Variants in CERS6 observed in about 807,000 individuals in gnomAD.
CERS6 encodes LAG1 homolog, ceramide synthase 6.
CERS6 carries 26 observed loss-of-function variants against 56.8 expected under a neutral mutation model. That is an observed-to-expected ratio of 0.46 (90% CI 0.34 to 0.63). CERS6 has a LOEUF of 0.63. CERS6 is among the 30% of genes least tolerant of loss of function. CERS6 has a pLI of 0.01. For missense variants in CERS6, 415 were observed against 467.5 expected, an observed-to-expected ratio of 0.89 and a Z score of 1.04; for synonymous variants, 164 against 173.3, an observed-to-expected ratio of 0.95 and a Z score of 0.42.
intron 7 of CERS6, among the ~76,000 whole-genome samples, chr2:168,715,428 G>A (rs1687203919): frequency 6.6e-6 from 1 of 152,098 alleles, no homozygotes; most frequent in South Asian, 2.1e-4. Context: ...TTTGTTTTGT[G>A]TGTTGTAACT....
At chr2:168,731,989 C>T (rs3905544) in intron 8 of CERS6, among the ~76,000 whole-genome samples, 10 of 152,114 alleles carry the variant, frequency 6.6e-5, no homozygotes, top group Non-Finnish European at 1.0e-4. Context: ...TACAATATAT[C>T]GGAGAAATAA....
At position 168,456,562 on chromosome 2, in the gene CERS6, C is replaced by G. The variant is rs536654612; in HGVS notation, c.114C>G (p.Leu38=). The change falls in exon 1 of 10, where the codon CTC becomes CTG. Residue 38 remains leucine (L), a synonymous_variant. Transcript: ENST00000305747. The surrounding 1 kb of genome is among the most constrained non-coding windows in gnomAD (Gnocchi z 4.1). ...EEATFPQAED[L]YLAFPLAFCI... is the part of the protein sequence containing the mutation. Reference sequence around the variant, plus strand: ...CCACCTTCCCGCAGGCTGAGGACCTCTATCTCGCTTTTCCCCTGGCCTTCT... The same window carrying G: ...CCACCTTCCCGCAGGCTGAGGACCTGTATCTCGCTTTTCCCCTGGCCTTCT... 23 of 1,614,104 alleles carry G rather than the reference C, an allele frequency of 1.4e-5. No homozygotes were observed. Among genetic ancestry groups the G allele is most frequent in the Non-Finnish European group, 1.8e-5 (21 of 1,179,948 alleles).
At position 168,773,305 on chromosome 2, in the gene CERS6, AT is replaced by A. The variant is rs373214130; in HGVS notation, c.*3644del. The A allele has an allele frequency of 7.0e-4, 106 of 152,332 alleles. No homozygotes were observed. Among genetic ancestry groups the A allele is most frequent in the African/African-American group, 2.5e-3 (104 of 41,574 alleles). 9.4% of individuals were successfully genotyped at this position (152,332 alleles called of 1,614,324 possible). A position where few individuals can be genotyped will look rare whatever the true frequency, so the allele number is the denominator to read the frequency against. ...AGGTATTAAAAGATTGTTTAACAGT[AT>A]GTGTGGTGATGTCATTATCTCCAGA... On this transcript the variant is annotated 3_prime_UTR_variant, in exon 10 of 10. Transcript: ENST00000305747.
At chr2:168,579,567 G>A (rs745753362) in intron 3 of CERS6, among the ~76,000 whole-genome samples, 33 of 151,958 alleles carry the variant, frequency 2.2e-4, no homozygotes, top group Non-Finnish European at 4.0e-4. Context: ...TTTCTTCTAC[G>A]TTTGATTCTT....
intron 8 of CERS6, among the ~76,000 whole-genome samples, chr2:168,751,107 A>G (rs1684255214): frequency 6.6e-6 from 1 of 152,218 alleles, no homozygotes; most frequent in African/African-American, 2.4e-5. Context: ...ATCAAAAGCC[A>G]TGTTACCTCA....
chr2:168,493,769 A>G (rs1694414964), intron 1 of CERS6, among the ~76,000 whole-genome samples: 1 of 152,008 alleles, frequency 6.6e-6, no homozygotes, highest in Non-Finnish European at 1.5e-5. Flanking sequence ...ATTTGGTGAG[A>G]CACCCACATA....
intron 6 of CERS6, among the ~76,000 whole-genome samples, chr2:168,707,501 T>C (rs1205352474): frequency 1.3e-5 from 2 of 152,178 alleles, no homozygotes; most frequent in East Asian, 1.9e-4. Context: ...TTAGGGTGCA[T>C]AGGCTATACA....
chr2:168,549,676 A>AT (rs1440605354), intron 2 of CERS6, among the ~76,000 whole-genome samples: 3 of 152,212 alleles, frequency 2.0e-5, no homozygotes, highest in African/African-American at 7.2e-5. Context: ...CTTCTAGCTA[A>AT]TTTGAATGAT....
At chr2:168,608,056 C>T (rs1456581612) in intron 3 of CERS6, among the ~76,000 whole-genome samples, 1 of 152,192 alleles carries the variant, frequency 6.6e-6, no homozygotes, top group African/African-American at 2.4e-5. Flanking sequence ...CTCCCTTGTA[C>T]TCCCAGTCCC....
chr2:168,462,351 T>C (rs2105317632), intron 1 of CERS6, among the ~76,000 whole-genome samples: 1 of 152,314 alleles, frequency 6.6e-6, no homozygotes, highest in South Asian at 2.1e-4. Flanking sequence ...TTGCCTCGTA[T>C]AGCACAGTGA....
At chr2:168,609,303 A>G (rs1684129095) in intron 3 of CERS6, among the ~76,000 whole-genome samples, 1 of 152,134 alleles carries the variant, frequency 6.6e-6, no homozygotes, top group African/African-American at 2.4e-5. Context: ...CCCTTCTTTT[A>G]TAAGTTTACA....
intron 3 of CERS6, among the ~76,000 whole-genome samples, chr2:168,590,195 G>A (rs1683639695): frequency 6.6e-6 from 1 of 152,116 alleles, no homozygotes; most frequent in South Asian, 2.1e-4. Context: ...CTTTCACCTG[G>A]GCAACTAGGA....
intron 6 of CERS6, among the ~76,000 whole-genome samples, chr2:168,705,809 G>A (rs900517203): frequency 1.3e-5 from 2 of 152,066 alleles, no homozygotes; most frequent in African/African-American, 4.8e-5. Context: ...ATATCATAAA[G>A]GGTATTTATG....
intron 5 of CERS6, among the ~76,000 whole-genome samples, chr2:168,692,519 G>T (rs1686531158): frequency 1.3e-5 from 2 of 152,172 alleles, no homozygotes; most frequent in African/African-American, 4.8e-5. Flanking sequence ...GGGTTTCACA[G>T]CACTGTAGAT....
chr2:168,535,677 T>TTC (rs1484648990), intron 1 of CERS6, among the ~76,000 whole-genome samples: 1 of 150,514 alleles, frequency 6.6e-6, no homozygotes. Context: ...CAGTTTTTTT[T>TTC]TTTTTTTTTT....
At chr2:168,740,233 T>C (rs1052919439) in intron 8 of CERS6, among the ~76,000 whole-genome samples, 2 of 152,322 alleles carry the variant, frequency 1.3e-5, no homozygotes, top group South Asian at 2.1e-4. Context: ...GGTGAAAATA[T>C]TCACCAAGCA....
At chr2:168,488,194 G>C (rs1694308593) in intron 1 of CERS6, among the ~76,000 whole-genome samples, 1 of 152,156 alleles carries the variant, frequency 6.6e-6, no homozygotes, top group East Asian at 1.9e-4. Flanking sequence ...AGTTCATAAA[G>C]TGAAGGGATA....
intron 3 of CERS6, among the ~76,000 whole-genome samples, chr2:168,563,555 T>C (rs968666606): frequency 6.6e-6 from 1 of 152,254 alleles, no homozygotes; most frequent in Non-Finnish European, 1.5e-5. Context: ...CCCAGCACTT[T>C]TGGAGGCCGA....
At chr2:168,470,297 C>A (rs1340214872) in intron 1 of CERS6, among the ~76,000 whole-genome samples, 1 of 151,510 alleles carries the variant, frequency 6.6e-6, no homozygotes, top group African/African-American at 2.4e-5. Flanking sequence ...ATGGGAGGAT[C>A]GCTTGAGCTC....
Sources: allele counts gnomAD v4.1 joint callset (sites outside exome capture counted in the v4.1 genomes callset), GRCh38; gene constraint gnomAD v4.1.1; non-coding constraint Gnocchi (gnomAD v3.1); transcripts MANE v1.5; gene names NCBI Gene and HGNC (gene_info 2026-07-23, HGNC 2026-07-21).